Variants in GPR139 observed in about 807,000 individuals in gnomAD.
GPR139 encodes the protein probable G protein-coupled receptor 139.
GPR139 carries 12 observed loss-of-function variants against 25.8 expected under a neutral mutation model. That is an observed-to-expected ratio of 0.47 (90% CI 0.30 to 0.75). GPR139 has a LOEUF of 0.75. Ranked by LOEUF, GPR139 falls within the 30% of genes least tolerant of loss-of-function variation. The pLI is 0.07. For synonymous variants in GPR139, 184 were observed against 179.9 expected (o/e 1.02, Z -0.18); for missense variants, 380 against 450.2 (o/e 0.84, Z 1.41).
chr16:20,049,305 G>T (rs1258147488), intron 1 of GPR139, among the ~76,000 whole-genome samples: 3 of 152,110 alleles, frequency 2.0e-5, no homozygotes, highest in Non-Finnish European at 2.9e-5. Context: ...CATTTTCATG[G>T]TGTTCCCTTA....
chr16:20,043,496 G>A (rs566550495), intron 1 of GPR139, among the ~76,000 whole-genome samples: 2 of 152,284 alleles, frequency 1.3e-5, no homozygotes, highest in Non-Finnish European at 2.9e-5. Context: ...AGTTTTAATG[G>A]TATTAGAGGA....
intron 1 of GPR139, among the ~76,000 whole-genome samples, chr16:20,046,469 G>A (rs149547052): frequency 6.8e-4 from 104 of 152,320 alleles, no homozygotes; most frequent in African/African-American, 2.2e-3. Context: ...CATGTGCTGA[G>A]CGTGTATTAT....
intron 1 of GPR139, among the ~76,000 whole-genome samples, chr16:20,052,516 G>C (rs759430562): frequency 1.3e-5 from 2 of 152,170 alleles, no homozygotes; most frequent in African/African-American, 4.8e-5. Flanking sequence ...AAATAATAGC[G>C]GCTGGGCGCG....
At chr16:20,060,245 T>C (rs2057407081) in intron 1 of GPR139, among the ~76,000 whole-genome samples, 1 of 151,858 alleles carries the variant, frequency 6.6e-6, no homozygotes, top group Non-Finnish European at 1.5e-5. Context: ...GCAGGGTGTG[T>C]GTGTGTGTGT....
rs777921579 is a variant in GPR139, at chr16:20,032,632, C to T, written c.165G>A (p.Val55=). 2 of 1,610,316 alleles carry T rather than the reference C, an allele frequency of 1.2e-6. No individual in the cohort carries two copies. The highest frequency in any genetic ancestry group is 1.7e-5 in the Admixed American group (1 of 59,946). The change falls in exon 2 of 2, where the codon GTG becomes GTA. Residue 55 remains valine, a synonymous_variant. Transcript: ENST00000570682. The part of the protein sequence containing the change: ...ILTVIILSQL[V]ARRQKSSYNY... ...TGTAGGAGGACTTCTGTCTTCTTGC[C>T]ACCAGCTGGGAGAGGATGATCACTG...
At chr16:20,036,030 A>T (rs1456290693) in intron 1 of GPR139, among the ~76,000 whole-genome samples, 1 of 152,224 alleles carries the variant, frequency 6.6e-6, no homozygotes, top group African/African-American at 2.4e-5. Context: ...ATACACATAA[A>T]GTCTGTACTC....
intron 1 of GPR139, among the ~76,000 whole-genome samples, chr16:20,040,870 T>C (rs970801607): frequency 2.0e-4 from 31 of 152,096 alleles, no homozygotes; most frequent in African/African-American, 7.2e-4. Flanking sequence ...CACAGGGGTC[T>C]TAAGAATAGG....
intron 1 of GPR139, among the ~76,000 whole-genome samples, chr16:20,061,111 A>C (rs1352374965): frequency 1.3e-5 from 2 of 152,050 alleles, no homozygotes; most frequent in African/African-American, 4.8e-5. Flanking sequence ...AAGGGCAAAA[A>C]AATGGGTCTT....
chr16:20,067,630 C>A (rs2057439866), intron 1 of GPR139, among the ~76,000 whole-genome samples: 1 of 151,918 alleles, frequency 6.6e-6, no homozygotes, highest in East Asian at 1.9e-4. Flanking sequence ...TGTGGAGAAA[C>A]CCCGTCTCTA....
At chr16:20,050,155 G>C (rs1354209877) in intron 1 of GPR139, among the ~76,000 whole-genome samples, 3 of 152,198 alleles carry the variant, frequency 2.0e-5, no homozygotes, top group African/African-American at 7.2e-5. Flanking sequence ...GAGCACTTAG[G>C]AAGAGGGAAG....
intron 1 of GPR139, among the ~76,000 whole-genome samples, chr16:20,051,897 A>C (rs1286033647): frequency 2.0e-5 from 3 of 152,212 alleles, no homozygotes; most frequent in Non-Finnish European, 4.4e-5. Context: ...CGCTGGATCC[A>C]GAGCTGATAC....
chr16:20,035,395 G>T (rs906185136), intron 1 of GPR139, among the ~76,000 whole-genome samples: 2 of 152,150 alleles, frequency 1.3e-5, no homozygotes, highest in Non-Finnish European at 1.5e-5. Context: ...TCCTATTTAA[G>T]TCACTGCTTC....
intron 1 of GPR139, among the ~76,000 whole-genome samples, chr16:20,067,565 G>A (rs532970386): frequency 2.6e-5 from 4 of 152,144 alleles, no homozygotes; most frequent in Admixed American, 2.6e-4. Context: ...AGCACTTTGG[G>A]AGGCTGAGGC....
In GPR139 at chr16:20,028,608, A is replaced by T. The variant is rs2141197597; in HGVS notation, c.*3127T>A. Among the ~76,000 whole-genome samples, 1 of 152,262 alleles carries T rather than the reference A, an allele frequency of 6.6e-6. No homozygotes were observed. The highest frequency in any genetic ancestry group is 1.5e-5 in the Non-Finnish European group (1 of 68,018). On this transcript the variant is annotated 3_prime_UTR_variant, in exon 2 of 2. Transcript: ENST00000570682. ...CAGGAGGTACCAAATGTGCAAAGTG[A>T]TCTTTTCCAATAGCAGGGTGTTTGC...
chr16:20,041,261 A>AGG lies in GPR139; in HGVS notation c.128-8593_128-8592insCC, dbSNP rs1567236077. Among the ~76,000 whole-genome samples the AGG allele has an allele frequency of 1.2e-3, 6 of 4,802 alleles. 3 individuals carry two copies. Among genetic ancestry groups the AGG allele is most frequent in the Admixed American group, 7.9e-3 (2 of 252 alleles). The allele number at this position is 4,802 out of a possible 152,430, so 3.2% of individuals were successfully genotyped here. Reference sequence around the variant, plus strand: ...GAGAGGAGAGGAGAGGGAAGGAGAAAAGAAAAGCATCTCTCTCTGACAAAG... The same window carrying AGG: ...GAGAGGAGAGGAGAGGGAAGGAGAAAGGAGAAAAGCATCTCTCTCTGACAAAG... On this transcript the variant is annotated intron_variant, in intron 1 of 1. Coordinates refer to ENST00000570682, the MANE Select transcript of GPR139 (RefSeq NM_001002911.4).
chr16:20,037,186 T>C (rs1281493546), intron 1 of GPR139, among the ~76,000 whole-genome samples: 1 of 152,156 alleles, frequency 6.6e-6, no homozygotes, highest in Non-Finnish European at 1.5e-5. Flanking sequence ...GCACTGTGGC[T>C]CACGCCTGTA....
chr16:20,062,113 T>A (rs1226663650), intron 1 of GPR139, among the ~76,000 whole-genome samples: 2 of 152,158 alleles, frequency 1.3e-5, no homozygotes, highest in African/African-American at 4.8e-5. Context: ...AAATTAAATA[T>A]ACTTTTAAAA....
chr16:20,054,162 C>T (rs1461252843), intron 1 of GPR139, among the ~76,000 whole-genome samples: 1 of 152,156 alleles, frequency 6.6e-6, no homozygotes, highest in Non-Finnish European at 1.5e-5. Context: ...GCATCTGAGT[C>T]TAGATGTCAT....
At chr16:20,070,946 C>G in intron 1 of GPR139, 1 of 985,554 alleles carries the variant, frequency 1.0e-6, no homozygotes, top group Non-Finnish European at 1.2e-6. Flanking sequence ...TTCTGTGTAT[C>G]TCAGTCCCTC....
Sources: gnomAD v4.1 joint callset for allele counts (sites outside exome capture counted in the v4.1 genomes callset) on GRCh38, gnomAD v4.1.1 for gene constraint, MANE v1.5 for transcripts, NCBI Gene and HGNC (gene_info 2026-07-23, HGNC 2026-07-21) for gene names.